Variants in DNAH14 observed in about 807,000 individuals in gnomAD.
DNAH14 encodes dynein axonemal heavy chain 14, also known as axonemal beta dynein heavy chain 14.
DNAH14 carries 478 observed loss-of-function variants against 520.9 expected under a neutral mutation model. That is an observed-to-expected ratio of 0.92 (90% CI 0.85 to 0.99). The LOEUF (loss-of-function observed/expected upper bound fraction) is 0.99. Among genes scored for constraint, DNAH14 ranks in the 50% least tolerant of loss-of-function variants. DNAH14 has a pLI of 0.00. For synonymous variants in DNAH14, 1,581 were observed against 1,757.2 expected (o/e 0.90, Z 2.51); for missense variants, 4,831 against 5,234.5 (o/e 0.92, Z 2.38).
At chr1:224,929,979 C>T in intron 1 of DNAH14, 144 bp downstream of exon 1, 1 of 509,480 alleles carries the variant, frequency 2.0e-6, no homozygotes, top group Non-Finnish European at 3.4e-6. Context: ...GGGAGCGCCT[C>T]CGAGTCCCCG....
At chr1:225,144,987 GAGAC>G (rs1415753390) in intron 29 of DNAH14, among the ~76,000 whole-genome samples, 1 of 151,936 alleles carries the variant, frequency 6.6e-6, no homozygotes, top group Admixed American at 6.6e-5. Context: ...GAGACAGAAA[GAGAC>G]AGAGAGAGAG....
At chr1:225,164,963 C>G (rs1187632145) in intron 35 of DNAH14, among the ~76,000 whole-genome samples, 1 of 151,962 alleles carries the variant, frequency 6.6e-6, no homozygotes, top group Non-Finnish European at 1.5e-5. Flanking sequence ...CTTTTTATAT[C>G]TATTATAGGC....
At chr1:225,176,561 G>GTATGTAATGCATACATATTATTGTATGT (rs113274310) in intron 36 of DNAH14, among the ~76,000 whole-genome samples, 1 of 152,002 alleles carries the variant, frequency 6.6e-6, no homozygotes, top group Non-Finnish European at 1.5e-5. Context: ...ATTATTGTAT[G>GTATGTAATGCATACATATTATTGTATGT]ATATGGTTTG....
chr1:225,286,159 G>A (rs571707926), intron 54 of DNAH14, among the ~76,000 whole-genome samples: 3 of 152,276 alleles, frequency 2.0e-5, no homozygotes, highest in African/African-American at 7.2e-5. Context: ...GAAGGGGAGA[G>A]GAGGGGAGAA....
chr1:225,374,821 C>T lies in DNAH14; in HGVS notation c.12452C>T (p.Thr4151Ile). ...AATTGGGACAAGCGATGCTTGAAGA[C>T]CCTACTCTACAAATTTTGTAATCCT... is the stretch of plus-strand genomic sequence containing the variant. ...IDNWDKRCLK[T>I]LLYKFCNPEV... The change falls in exon 78 of 86, where the codon ACC (threonine) becomes ATC (isoleucine). Residue 4151 changes from threonine to isoleucine, a missense_variant. Thr to Ile is a moderately conservative substitution (Grantham distance 89, BLOSUM62 -1). Coordinates refer to ENST00000682510, the MANE Select transcript of DNAH14 (RefSeq NM_001367479.1). 6.4e-7 allele frequency: 1 copy of T among 1,551,472 alleles called. No homozygotes were observed. Among genetic ancestry groups the T allele is most frequent in the Non-Finnish European group, 8.7e-7 (1 of 1,146,884 alleles).
At chr1:225,256,479 T>A (rs1051193491) in intron 44 of DNAH14, among the ~76,000 whole-genome samples, 3 of 152,060 alleles carry the variant, frequency 2.0e-5, no homozygotes, top group Non-Finnish European at 4.4e-5. Context: ...GCAAAATTTT[T>A]AAAAAGATGA....
chr1:224,992,493 TTGTTCCC>T (rs1469744794), intron 8 of DNAH14, among the ~76,000 whole-genome samples: 33 of 152,066 alleles, frequency 2.2e-4, no homozygotes, highest in African/African-American at 7.5e-4. Context: ...TTAAATGCAG[TTGTTCCC>T]TTGAGTGTTT....
At chr1:225,343,840 T>C (rs3856148) in intron 69 of DNAH14, among the ~76,000 whole-genome samples, 90,615 of 151,892 alleles carry the variant, frequency 0.6, 28,148 homozygotes, top group East Asian at 0.76. Context: ...GGGAGCAAAA[T>C]ATCTAAGTAT....
chr1:224,976,355 G>A (rs1171082668), intron 8 of DNAH14, among the ~76,000 whole-genome samples: 1 of 151,972 alleles, frequency 6.6e-6, no homozygotes, highest in Non-Finnish European at 1.5e-5. Context: ...TATTGTGTGG[G>A]AGTCTAAGTC....
Position 225,159,393 on chromosome 1 carries a change from T to C in DNAH14, c.5353T>C (p.Cys1785Arg). 6.4e-7 allele frequency: 1 copy of C among 1,551,384 alleles called. No individual in the cohort carries two copies. Among genetic ancestry groups the C allele is most frequent in the East Asian group, 2.4e-5 (1 of 40,872 alleles). The change falls in exon 35 of 86, where the codon TGT becomes CGT. Residue 1785 changes from cysteine (C) to arginine (R), a missense_variant. Cys to Arg is a radical substitution (Grantham distance 180). Transcript: ENST00000682510. Reference sequence around the variant, plus strand: ...TATAAGAGAAGCTAGTTTGCCAAAATGTCCTCCTGAAGATGTCCCACTTTT... The same window carrying C: ...TATAAGAGAAGCTAGTTTGCCAAAACGTCCTCCTGAAGATGTCCCACTTTT... ...EAIREASLPK[C>R]PPEDVPLFEN...
At chr1:225,091,493 G>A (rs1055941926) in intron 21 of DNAH14, among the ~76,000 whole-genome samples, 4 of 152,096 alleles carry the variant, frequency 2.6e-5, no homozygotes, top group Middle Eastern at 3.2e-3. Flanking sequence ...GATTTCATAA[G>A]CAAAGGAGAA....
chr1:225,365,946 T>C (rs2095547747), intron 76 of DNAH14, among the ~76,000 whole-genome samples: 1 of 151,632 alleles, frequency 6.6e-6, no homozygotes, highest in Admixed American at 6.6e-5. Flanking sequence ...TTTATGGGAG[T>C]TTTTCATATG....
At chr1:224,960,710 T>C (rs1021792629) in intron 4 of DNAH14, among the ~76,000 whole-genome samples, 1 of 152,166 alleles carries the variant, frequency 6.6e-6, no homozygotes, top group African/African-American at 2.4e-5. Flanking sequence ...TAACATCTTC[T>C]AGTTTGTGTT....
At chr1:225,079,672 CTTTTTTTTTT>C (rs58242386) in intron 18 of DNAH14, 124 bp downstream of exon 18, 177 of 326,674 alleles carry the variant, frequency 5.4e-4, no homozygotes, top group South Asian at 1.6e-3. Flanking sequence ...TACAAGTATT[CTTTTTTTTTT>C]TTTTTTTTTG....
intron 41 of DNAH14, among the ~76,000 whole-genome samples, chr1:225,215,024 T>C (rs2089081532): frequency 6.6e-6 from 1 of 152,244 alleles, no homozygotes; most frequent in Non-Finnish European, 1.5e-5. Context: ...AGATCCTTCC[T>C]GCTTTCTCTT....
chr1:225,158,751 A>G (rs567639419), intron 34 of DNAH14, among the ~76,000 whole-genome samples: 2 of 152,326 alleles, frequency 1.3e-5, no homozygotes, highest in African/African-American at 4.8e-5. Context: ...CACAGAGTCC[A>G]TTTTGCTGAG....
At position 225,000,197 on chromosome 1, in the gene DNAH14, C is replaced by T. The variant is rs80290870; in HGVS notation, c.831-2586C>T. 6.7e-3 allele frequency among the ~76,000 whole-genome samples: 1,019 copies of T among 152,270 alleles called. 8 individuals carry two copies. Among genetic ancestry groups the T allele is most frequent in the African/African-American group, 0.023 (946 of 41,556 alleles). ...GATATAGGATTCTGGGTTGACAGTT[C>T]CTTTCTTTCAGCACTTGAAAAACAT... On this transcript the variant is annotated intron_variant, in intron 8 of 85. Coordinates refer to ENST00000682510, the MANE Select transcript of DNAH14 (RefSeq NM_001367479.1).
intron 52 of DNAH14, among the ~76,000 whole-genome samples, chr1:225,274,217 T>A (rs2093401755): frequency 7.4e-6 from 1 of 134,494 alleles, no homozygotes; most frequent in African/African-American, 3.0e-5. Flanking sequence ...TTTTTTTTTT[T>A]TTTTTGAGAC....
rs771720906 is a variant in DNAH14, at chr1:225,351,697, AGGT to A, written c.11350_11352del (p.Trp3784del). The stretch of plus-strand genomic sequence containing the variant: ...ACATCTTCAGTGGCTGTCAGATTCC[AGGT>A]GGAGGCAGTGCCAATATGTCAGCAC... On this transcript the variant is annotated inframe_deletion, in exon 72 of 86. Coordinates refer to ENST00000682510, the MANE Select transcript of DNAH14 (RefSeq NM_001367479.1). 289 of 1,550,274 alleles carry A rather than the reference AGGT, an allele frequency of 1.9e-4. No homozygotes were observed. The highest frequency in any genetic ancestry group is 2.4e-4 in the Non-Finnish European group (275 of 1,146,180).
Sources: gnomAD v4.1 joint callset for allele counts (sites outside exome capture counted in the v4.1 genomes callset) on GRCh38, gnomAD v4.1.1 for gene constraint, MANE v1.5 for transcripts, NCBI Gene and HGNC (gene_info 2026-07-23, HGNC 2026-07-21) for gene names.